The following CHGB variants were observed in gnomAD, a reference collection of about 807,000 sequenced individuals.
CHGB encodes secretogranin-1.
CHGB carries 46 observed loss-of-function variants against 69.9 expected under a neutral mutation model. The ratio of observed to expected loss-of-function variants is 0.66; its 90% CI spans 0.52 to 0.84. The LOEUF (loss-of-function observed/expected upper bound fraction) is 0.84, where lower values mean the gene tolerates loss of function less well. Among genes scored for constraint, CHGB ranks in the 40% least tolerant of loss-of-function variants. The probability of loss-of-function intolerance (pLI) is 0.00; values close to 1 mark genes in which losing one functional copy is unlikely to be tolerated. For missense variants in CHGB, 796 were observed against 822.2 expected (o/e 0.97, Z 0.39); for synonymous variants, 312 against 298.2 (o/e 1.05, Z -0.48).
chr20:5,922,179 T>C (rs1325222098), intron 3 of CHGB, among the ~76,000 whole-genome samples, 156 bp from the exon 4 acceptor site: 1 of 152,224 alleles, frequency 6.6e-6, no homozygotes, highest in East Asian at 1.9e-4. Context: ...TTCATAGCAT[T>C]TACTTTCAAA....
At chr20:5,918,760 C>T (rs1002798227) in intron 3 of CHGB, among the ~76,000 whole-genome samples, 3 of 123,854 alleles carry the variant, frequency 2.4e-5, no homozygotes, top group Admixed American at 2.2e-4. Context: ...TGCAGTAAGC[C>T]GAGATTGCCC....
rs774165233 is a variant in CHGB at position 5,923,121 on chromosome 20, A to G, written c.977A>G (p.Asp326Gly). The change falls in exon 4 of 5, where the codon GAC becomes GGC. Residue 326 changes from aspartate to glycine, a missense_variant. Physicochemically the swap from Asp to Gly is moderately conservative, Grantham distance 94. Coordinates refer to ENST00000378961, the MANE Select transcript of CHGB (RefSeq NM_001819.3). ...VSMASLGEKRDHHSTHYRASE... is the reference protein window; with the variant it reads ...VSMASLGEKRGHHSTHYRASE... ...ATGGCCAGTTTAGGGGAAAAGAGGG[A>G]CCACCATTCAACCCACTACAGGGCT... The G allele has an allele frequency of 6.2e-7, 1 of 1,614,142 alleles. No individual in the cohort carries two copies. Among genetic ancestry groups the G allele is most frequent in the Non-Finnish European group, 8.5e-7 (1 of 1,180,026 alleles).
At chr20:5,924,909 A>G in intron 4 of CHGB, 63 bp from the exon 5 acceptor site, 1 of 1,013,934 alleles carries the variant, frequency 9.9e-7, no homozygotes. Flanking sequence ...CTCATGCTCC[A>G]TCAAACTACA....
chr20:5,916,518 C>G lies in CHGB; in HGVS notation c.96+146C>G, dbSNP rs531905186. Reference sequence around the variant, plus strand: ...CTGACAGAATGTGAGCAAGGGATGCCCCTCCTGCACTGAGCTCCTATGTCC... The same window carrying G: ...CTGACAGAATGTGAGCAAGGGATGCGCCTCCTGCACTGAGCTCCTATGTCC... On this transcript the variant is annotated intron_variant, in intron 2 of 4. Transcript: ENST00000378961. 1.8e-5 allele frequency: 13 copies of G among 734,996 alleles called. 1 individual carries two copies. The East Asian group carries it at 3.2e-4, about 18-fold the overall frequency. 45.5% of individuals were successfully genotyped at this position (734,996 alleles called of 1,614,324 possible). A position where few individuals can be genotyped will look rare whatever the true frequency, so the allele number is the denominator to read the frequency against.
chr20:5,914,361 A>G (rs988412887), intron 1 of CHGB, among the ~76,000 whole-genome samples: 1 of 152,228 alleles, frequency 6.6e-6, no homozygotes, highest in African/African-American at 2.4e-5. Flanking sequence ...GAAGAGCCTC[A>G]GTCAGAGAAA....
chr20:5,920,939 CA>C (rs770799195), intron 3 of CHGB, among the ~76,000 whole-genome samples: 1 of 152,124 alleles, frequency 6.6e-6, no homozygotes, highest in Non-Finnish European at 1.5e-5. Flanking sequence ...GACATTTTTA[CA>C]AAATAAATAA....
In CHGB at chr20:5,918,668, C is replaced by T. The variant is rs537474165; in HGVS notation, c.190+1749C>T. Among the ~76,000 whole-genome samples the T allele has an allele frequency of 4.6e-5, 7 of 151,190 alleles. No homozygotes were observed. In the East Asian group the frequency reaches 9.9e-4, roughly 21 times the overall value. ...TCTACTAAAAATACAAAAAATTAGC[C>T]GGGCGTGGTGACACACGCCTGTAGT... On this transcript the variant is annotated intron_variant, in intron 3 of 4. Coordinates refer to ENST00000378961, the MANE Select transcript of CHGB (RefSeq NM_001819.3).
intron 3 of CHGB, 142 bp downstream of exon 3, chr20:5,917,061 CTGGGAGACAGA>C: frequency 1.3e-6 from 1 of 747,898 alleles, no homozygotes; most frequent in South Asian, 1.6e-5. Flanking sequence ...AGGCCAGTAT[CTGGGAGACAGA>C]AGATATGACT....
chr20:5,911,624 G>A lies in CHGB; in HGVS notation c.-10G>A, dbSNP rs1395948309. On this transcript the variant is annotated 5_prime_UTR_variant, in exon 1 of 5. Transcript: ENST00000378961. ...TCTTCCTTTCCGCACAGGGGCCGCC[G>A]AGCGGGGCCATGCAGCCAACGCTGC... 6.6e-7 allele frequency: 1 copy of A among 1,517,634 alleles called. No individual in the cohort carries two copies. Among genetic ancestry groups the A allele is most frequent in the Non-Finnish European group, 8.8e-7 (1 of 1,137,792 alleles). 94.0% of individuals were successfully genotyped at this position (1,517,634 alleles called of 1,614,324 possible). A position where few individuals can be genotyped will look rare whatever the true frequency, so the allele number is the denominator to read the frequency against.
chr20:5,923,740 G>A lies in CHGB; in HGVS notation c.1596G>A (p.Lys532=). ...FNPYYDPLQW[K]SSHFERRDNM... ...CATACTACGACCCTCTCCAGTGGAAGAGCAGCCATTTTGAAAGAAGAGACA... is the reference window on the plus strand; with the variant it reads ...CATACTACGACCCTCTCCAGTGGAAAAGCAGCCATTTTGAAAGAAGAGACA... Residue 532 remains lysine, a synonymous_variant, in exon 4 of 5, where the codon AAG becomes AAA. Transcript: ENST00000378961. 6.2e-7 allele frequency: 1 copy of A among 1,614,176 alleles called. No homozygotes were observed. Among genetic ancestry groups the A allele is most frequent in the Non-Finnish European group, 8.5e-7 (1 of 1,180,026 alleles).
rs753168664 is a variant in CHGB at position 5,916,819 on chromosome 20, C to T, written c.97-7C>T. On this transcript the variant is annotated splice_polypyrimidine_tract_variant and splice_region_variant and intron_variant, in intron 2 of 4. Coordinates refer to ENST00000378961, the MANE Select transcript of CHGB (RefSeq NM_001819.3). ...CTTCTCCAACCTGCTTTCGGGTTTC[C>T]CCCCAGGTGACTCGCTGCATCATTG... is the stretch of plus-strand genomic sequence containing the variant. The T allele has an allele frequency of 2.5e-6, 4 of 1,613,918 alleles. No homozygotes were observed. Among genetic ancestry groups the T allele is most frequent in the Admixed American group, 3.3e-5 (2 of 60,004 alleles).
chr20:5,923,025 C>G lies in CHGB; in HGVS notation c.881C>G (p.Ser294Cys). The G allele has an allele frequency of 6.2e-7, 1 of 1,612,906 alleles. No individual in the cohort carries two copies. Among genetic ancestry groups the G allele is most frequent in the East Asian group, 2.2e-5 (1 of 44,816 alleles). The part of the protein sequence containing the change: ...HHGRSRPDRS[S>C]QGGSLPSEEK... ...GGGAGGAGCAGGCCCGACAGGTCCT[C>G]TCAAGGAGGGAGTCTTCCCTCTGAG... The change falls in exon 4 of 5, where the codon TCT (serine) becomes TGT (cysteine). Residue 294 changes from serine (S) to cysteine (C), a missense_variant. Around this residue, in one of 3 missense-constraint regions of CHGB, gnomAD observed 518 missense variants for 506.3 expected, o/e 1.02. Transcript: ENST00000378961.
intron 1 of CHGB, 148 bp downstream of exon 1, chr20:5,911,830 G>A (rs1251807347): frequency 8.7e-6 from 7 of 806,686 alleles, no homozygotes; most frequent in South Asian, 4.6e-5. Context: ...CTCCTCCCTG[G>A]GTGTTTTCCT....
intron 2 of CHGB, 72 bp downstream of exon 2, chr20:5,916,444 C>T: frequency 7.8e-7 from 1 of 1,276,288 alleles, no homozygotes; most frequent in African/African-American, 1.5e-5. Flanking sequence ...CCTATTATAC[C>T]AAACCAAACA....
At chr20:5,924,235 T>A in intron 4 of CHGB, 135 bp downstream of exon 4, 2 of 1,296,186 alleles carry the variant, frequency 1.5e-6, no homozygotes, top group Non-Finnish European at 2.1e-6. Context: ...AGTAATGGAG[T>A]GGAGGCCACC....
chr20:5,912,603 C>T (rs188079916), intron 1 of CHGB, among the ~76,000 whole-genome samples: 1 of 152,038 alleles, frequency 6.6e-6, no homozygotes, highest in Admixed American at 6.6e-5. Flanking sequence ...CCCTGAATCT[C>T]AAACAAATGA....
chr20:5,911,963 C>A (rs1264228417), intron 1 of CHGB, among the ~76,000 whole-genome samples: 5 of 152,194 alleles, frequency 3.3e-5, no homozygotes, highest in Non-Finnish European at 7.4e-5. Context: ...CGTGCCATAC[C>A]TGCAAGGAAA....
chr20:5,918,384 C>G (rs1183246377), intron 3 of CHGB, among the ~76,000 whole-genome samples: 1 of 151,828 alleles, frequency 6.6e-6, no homozygotes, highest in Non-Finnish European at 1.5e-5. Context: ...CAGAGTGAGG[C>G]TCCATCAAAA....
intron 3 of CHGB, among the ~76,000 whole-genome samples, chr20:5,918,587 C>T (rs183871776): frequency 1.5e-4 from 23 of 151,432 alleles, no homozygotes; most frequent in Non-Finnish European, 2.5e-4. Flanking sequence ...CTGAGGCGGG[C>T]GGATCACAAG....
Sources: gnomAD v4.1 joint callset for allele counts (sites outside exome capture counted in the v4.1 genomes callset) on GRCh38, gnomAD v4.1.1 for gene constraint, gnomAD v4.1.1 regional missense constraint, MANE v1.5 for transcripts, NCBI Gene and HGNC (gene_info 2026-07-23, HGNC 2026-07-21) for gene names.